The following FSTL4 variants were observed in gnomAD, a reference collection of about 807,000 sequenced individuals.
FSTL4 encodes the protein follistatin like 4.
FSTL4 carries 28 observed loss-of-function variants against 78.2 expected under a neutral mutation model. That is an observed-to-expected ratio of 0.36 (90% CI 0.27 to 0.49). FSTL4 has a LOEUF of 0.49. Ranked by LOEUF, FSTL4 falls within the 20% of genes least tolerant of loss-of-function variation. FSTL4 has a pLI of 0.98. For synonymous variants in FSTL4, 422 were observed against 440.5 expected, an observed-to-expected ratio of 0.96 and a Z score of 0.53; for missense variants, 922 against 1,084.9, an observed-to-expected ratio of 0.85 and a Z score of 2.11.
chr5:133,315,961 G>A (rs1753893460), intron 5 of FSTL4, among the ~76,000 whole-genome samples: 1 of 152,232 alleles, frequency 6.6e-6, no homozygotes, highest in Non-Finnish European at 1.5e-5. Flanking sequence ...ACCTCAGGGT[G>A]TAATGCAAGT....
Position 133,400,724 on chromosome 5 carries a change from G to T in FSTL4, c.409+14C>A. The T allele has an allele frequency of 6.2e-7, 1 of 1,610,288 alleles. No individual in the cohort carries two copies. Among genetic ancestry groups the T allele is most frequent in the East Asian group, 2.2e-5 (1 of 44,782 alleles). The stretch of plus-strand genomic sequence containing the variant: ...ACAAAACCCAAAACCACAGGGCAAG[G>T]GCCCTGTTCCTACCTTTGAGGAAAC... On this transcript the variant is annotated intron_variant, in intron 4 of 15. Coordinates refer to ENST00000265342, the MANE Select transcript of FSTL4 (RefSeq NM_015082.2).
chr5:133,814,153 G>T, the FSTL4 span, among the ~76,000 whole-genome samples: 1 of 152,216 alleles, frequency 6.6e-6, no homozygotes, highest in Non-Finnish European at 1.5e-5. Flanking sequence ...TCTTTGGGTG[G>T]ATCCAATGTG....
At chr5:133,476,301 C>A (rs1757924312) in intron 3 of FSTL4, among the ~76,000 whole-genome samples, 1 of 152,168 alleles carries the variant, frequency 6.6e-6, no homozygotes, top group African/African-American at 2.4e-5. Flanking sequence ...AGTGCTACAT[C>A]TTGGGCAACG....
intron 6 of FSTL4, among the ~76,000 whole-genome samples, chr5:133,268,979 A>C (rs965620850): frequency 1.4e-4 from 22 of 152,072 alleles, no homozygotes; most frequent in Admixed American, 6.6e-5. Context: ...CAGGAGATCG[A>C]GACCATCCTG....
chr5:133,791,930 C>G, the FSTL4 span, among the ~76,000 whole-genome samples: 1 of 152,198 alleles, frequency 6.6e-6, no homozygotes, highest in Non-Finnish European at 1.5e-5. Context: ...CAATCTCACC[C>G]GTGGTTCCAG....
chr5:133,371,684 G>C (rs1267615254), intron 4 of FSTL4, among the ~76,000 whole-genome samples: 1 of 152,236 alleles, frequency 6.6e-6, no homozygotes, highest in Non-Finnish European at 1.5e-5. Context: ...TTTGTTCTCA[G>C]ATTCTTTTGA....
At chr5:133,730,847 G>A in the FSTL4 span, among the ~76,000 whole-genome samples, 2 of 152,216 alleles carry the variant, frequency 1.3e-5, no homozygotes, top group Admixed American at 1.3e-4. Flanking sequence ...AAGGCAGAAA[G>A]TGAAACAAAC....
At chr5:133,677,901 C>T in the FSTL4 span, among the ~76,000 whole-genome samples, 111 of 152,314 alleles carry the variant, frequency 7.3e-4, no homozygotes, top group Non-Finnish European at 1.5e-3. Context: ...GGTTCCCACT[C>T]TCATGGAGCT....
chr5:133,805,800 T>C, the FSTL4 span, among the ~76,000 whole-genome samples: 1 of 152,244 alleles, frequency 6.6e-6, no homozygotes, highest in Non-Finnish European at 1.5e-5. Context: ...GTTTGGAGAC[T>C]GTGGGTGTAG....
the FSTL4 span, among the ~76,000 whole-genome samples, chr5:133,638,417 C>T: frequency 6.6e-6 from 1 of 152,184 alleles, no homozygotes; most frequent in Non-Finnish European, 1.5e-5. Context: ...CTCGCAGGCC[C>T]CATGCAACGA....
chr5:133,731,269 G>C, the FSTL4 span, among the ~76,000 whole-genome samples: 1 of 152,078 alleles, frequency 6.6e-6, no homozygotes, highest in African/African-American at 2.4e-5. Flanking sequence ...TCGACTGGAC[G>C]AGCCCTGGCC....
chr5:133,213,920 A>G (rs1048695982), intron 13 of FSTL4, among the ~76,000 whole-genome samples: 8 of 152,226 alleles, frequency 5.3e-5, no homozygotes, highest in Non-Finnish European at 1.5e-5. Context: ...CAATTATACC[A>G]TGAGAAAACG....
At chr5:133,664,730 GAAA>G in the FSTL4 span, among the ~76,000 whole-genome samples, 1 of 152,196 alleles carries the variant, frequency 6.6e-6, no homozygotes. Flanking sequence ...TAGCTCCCTA[GAAA>G]ATGCCATACA....
At chr5:133,450,604 C>T (rs565117529) in intron 3 of FSTL4, among the ~76,000 whole-genome samples, 1 of 152,374 alleles carries the variant, frequency 6.6e-6, no homozygotes, top group African/African-American at 2.4e-5. Flanking sequence ...GGCATCCTCT[C>T]ACATCATAAA....
chr5:133,680,819 T>C, the FSTL4 span, among the ~76,000 whole-genome samples: 1 of 152,192 alleles, frequency 6.6e-6, no homozygotes, highest in Non-Finnish European at 1.5e-5. Flanking sequence ...ACTTAGAGCA[T>C]TGGGGATTCC....
intron 7 of FSTL4, among the ~76,000 whole-genome samples, chr5:133,240,013 C>T (rs140558389): frequency 9.2e-5 from 14 of 152,342 alleles, no homozygotes; most frequent in African/African-American, 1.9e-4. Context: ...TTCCTTTCCA[C>T]GCAGTGGAAG....
At chr5:133,689,288 C>T in the FSTL4 span, among the ~76,000 whole-genome samples, 1 of 152,184 alleles carries the variant, frequency 6.6e-6, no homozygotes, top group African/African-American at 2.4e-5. Context: ...GCTAACCACA[C>T]CTGGGGCATG....
At chr5:133,693,450 C>T in the FSTL4 span, among the ~76,000 whole-genome samples, 1 of 152,158 alleles carries the variant, frequency 6.6e-6, no homozygotes, top group African/African-American at 2.4e-5. Flanking sequence ...GAAAATTGTA[C>T]TCTGTTCCCA....
chr5:133,599,720 G>C (rs908935910), intron 2 of FSTL4, among the ~76,000 whole-genome samples: 1 of 152,042 alleles, frequency 6.6e-6, no homozygotes, highest in African/African-American at 2.4e-5. Context: ...GCTGGAACAC[G>C]ACACCCAGGC....
Sources: allele counts gnomAD v4.1 joint callset (sites outside exome capture counted in the v4.1 genomes callset), GRCh38; gene constraint gnomAD v4.1.1; transcripts MANE v1.5; gene names NCBI Gene and HGNC (gene_info 2026-07-23, HGNC 2026-07-21).